Variants in ADGRL1 observed in about 807,000 individuals in gnomAD.
ADGRL1 encodes adhesion G protein-coupled receptor L1, also known as CIRL-1.
ADGRL1 carries 31 observed loss-of-function variants against 148.9 expected under a neutral mutation model. That is an observed-to-expected ratio of 0.21 (90% CI 0.16 to 0.28). The LOEUF (loss-of-function observed/expected upper bound fraction) is 0.28, where lower values mean the gene tolerates loss of function less well. Among genes scored for constraint, ADGRL1 ranks in the 10% least tolerant of loss-of-function variants. ADGRL1 has a pLI of 1.00. For synonymous variants in ADGRL1, 937 were observed against 900.3 expected (o/e 1.04, Z -0.73); for missense variants, 1,521 against 2,058.8 (o/e 0.74, Z 5.05).
chr19:14,203,921 C>G (rs1166237295), intron 1 of ADGRL1, among the ~76,000 whole-genome samples: 2 of 152,068 alleles, frequency 1.3e-5, no homozygotes, highest in Non-Finnish European at 2.9e-5. Context: ...ATGGGGTGGA[C>G]CGAGCGGGGC....
At position 14,156,052 on chromosome 19, in the gene ADGRL1, G is replaced by T. The variant is rs1968701318; in HGVS notation, c.3125+58C>A. 4 of 1,331,192 alleles carry T rather than the reference G, an allele frequency of 3.0e-6. No individual in the cohort carries two copies. In the South Asian group the frequency reaches 3.7e-5, roughly 12 times the overall value. 82.5% of individuals were successfully genotyped at this position (1,331,192 alleles called of 1,614,324 possible). The stretch of plus-strand genomic sequence containing the variant: ...TTTTAGGACACCCTGGAAGAGGTGG[G>T]CCCAGCGTGGGGCGGGGGTGGGTGA... On this transcript the variant is annotated intron_variant, in intron 17 of 22. Coordinates refer to ENST00000361434, the MANE Select transcript of ADGRL1 (RefSeq NM_014921.5).
chr19:14,188,201 C>A (rs575749117), intron 1 of ADGRL1, among the ~76,000 whole-genome samples: 1 of 152,272 alleles, frequency 6.6e-6, no homozygotes, highest in East Asian at 1.9e-4. Flanking sequence ...CTTATACATG[C>A]CCTGTGTGAC....
chr19:14,156,061 G>T, intron 17 of ADGRL1, 49 bp downstream of exon 17: 1 of 1,431,898 alleles, frequency 7.0e-7, no homozygotes, highest in Non-Finnish European at 9.7e-7. Context: ...GGCCCAGCGT[G>T]GGGCGGGGGT....
chr19:14,156,676 T>C lies in ADGRL1; in HGVS notation c.3015A>G (p.Pro1005=), dbSNP rs1318990403. Residue 1005 remains proline, a synonymous_variant, in exon 16 of 23, where the codon CCA becomes CCG. Transcript: ENST00000361434. ...DNYFIWSFIG[P]VSFVIVVNLV... ...AACTCACCACGATAACGAAGGAGAC[T>C]GGCCCGATGAAACTCCAGATGAAGT... The C allele has an allele frequency of 2.5e-6, 4 of 1,611,498 alleles. No homozygotes were observed. Among genetic ancestry groups the C allele is most frequent in the Non-Finnish European group, 3.4e-6 (4 of 1,179,094 alleles).
chr19:14,199,328 G>A (rs1972457601), intron 1 of ADGRL1, among the ~76,000 whole-genome samples: 3 of 152,010 alleles, frequency 2.0e-5, no homozygotes. Flanking sequence ...TGAGGGGCTG[G>A]GTACAAAAAA....
At position 14,155,954 on chromosome 19, in the gene ADGRL1, T is replaced by C. The variant is rs1422917851; in HGVS notation, c.3125+156A>G. On this transcript the variant is annotated intron_variant, in intron 17 of 22. Transcript: ENST00000361434. This position sits in a 1 kb window ranked among gnomAD's most constrained non-coding sequence, Gnocchi z 5.0. Reference sequence around the variant, plus strand: ...ATCTAAGACCCATTAAGTAGGTACATAGTGAACACAATAGAACACCCCTGT... The same window carrying C: ...ATCTAAGACCCATTAAGTAGGTACACAGTGAACACAATAGAACACCCCTGT... 2.6e-5 allele frequency among the ~76,000 whole-genome samples: 4 copies of C among 151,504 alleles called. No individual in the cohort carries two copies. The highest frequency in any genetic ancestry group is 3.9e-4 in the East Asian group (2 of 5,168).
At position 14,152,590 on chromosome 19, in the gene ADGRL1, A is replaced by G. The variant is rs912721456; in HGVS notation, c.3447T>C (p.Asn1149=). ...ACTCCGTCTGTTTCCTCACAGTGTC[A>G]TTCCACATCCTCCGAATTCGGCTCT... The part of the protein sequence containing the change: ...GTQSRIRRMW[N]DTVRKQTESS... The change falls in exon 20 of 23, where the codon AAT becomes AAC. Residue 1149 remains asparagine, a synonymous_variant. Coordinates refer to ENST00000361434, the MANE Select transcript of ADGRL1 (RefSeq NM_014921.5). This position sits in a 1 kb window ranked among gnomAD's most constrained non-coding sequence, Gnocchi z 6.1. 1.2e-5 allele frequency: 19 copies of G among 1,613,958 alleles called. No homozygotes were observed. Among genetic ancestry groups the G allele is most frequent in the Non-Finnish European group, 1.6e-5 (19 of 1,179,968 alleles).
In ADGRL1 at chr19:14,157,281, G is replaced by A; in HGVS notation, c.2715C>T (p.Phe905=). 1.2e-6 allele frequency: 2 copies of A among 1,614,158 alleles called. No homozygotes were observed. The highest frequency in any genetic ancestry group is 2.2e-5 in the South Asian group (2 of 91,086). ...ACTGAGTCTTGTCGATCCCGACCAG[G>A]AAGAGCAGCTCAGCCAGGAAGAGGT... ...CINLFLAELL[F]LVGIDKTQYE... is the part of the protein sequence containing the mutation. The change falls in exon 14 of 23, where the codon TTC becomes TTT. Residue 905 remains phenylalanine, a synonymous_variant. Transcript: ENST00000361434. This position sits in a 1 kb window ranked among gnomAD's most constrained non-coding sequence, Gnocchi z 7.5.
At chr19:14,185,261 G>C (rs1040252748) in intron 1 of ADGRL1, among the ~76,000 whole-genome samples, 3 of 152,098 alleles carry the variant, frequency 2.0e-5, no homozygotes, top group Non-Finnish European at 4.4e-5. Context: ...CATCAGCCTT[G>C]CCAGGAACTT....
At position 14,150,655 on chromosome 19, in the gene ADGRL1, TG is replaced by T; in HGVS notation, c.*217del. 1.7e-6 allele frequency: 1 copy of T among 582,658 alleles called. No homozygotes were observed. The highest frequency in any genetic ancestry group is 2.1e-5 in the South Asian group (1 of 46,572). 36.1% of individuals were successfully genotyped at this position (582,658 alleles called of 1,614,324 possible). A position where few individuals can be genotyped will look rare whatever the true frequency, so the allele number is the denominator to read the frequency against. ...TCACTACACTTCCCCCAAATAGAGC[TG>T]GTGCGTGTGGCTGGTGGGAAACCCT... On this transcript the variant is annotated 3_prime_UTR_variant, in exon 23 of 23. Coordinates refer to ENST00000361434, the MANE Select transcript of ADGRL1 (RefSeq NM_014921.5).
rs947674923 is a variant in ADGRL1 at position 14,159,879 on chromosome 19, C to T, written c.1801-106G>A. 8 of 1,139,478 alleles carry T rather than the reference C, an allele frequency of 7.0e-6. No individual in the cohort carries two copies. Among genetic ancestry groups the T allele is most frequent in the Non-Finnish European group, 1.1e-5 (8 of 755,288 alleles). 70.6% of individuals were successfully genotyped at this position (1,139,478 alleles called of 1,614,324 possible). On this transcript the variant is annotated intron_variant, in intron 8 of 22. Coordinates refer to ENST00000361434, the MANE Select transcript of ADGRL1 (RefSeq NM_014921.5). This position sits in a 1 kb window ranked among gnomAD's most constrained non-coding sequence, Gnocchi z 6.0. ...TCTCTCGTCTGCGGTTACCACTGAC[C>T]CAGGGCTGGGCTATCAGCAAGACAT...
In ADGRL1 at chr19:14,161,413, G is replaced by A. The variant is rs771217505; in HGVS notation, c.1409C>T (p.Ser470Phe). The A allele has an allele frequency of 2.6e-6, 4 of 1,549,306 alleles. No individual in the cohort carries two copies. In the Admixed American group the frequency reaches 8.3e-5, roughly 32 times the overall value. The change falls in exon 6 of 23, where the codon TCC becomes TTC. Residue 470 changes from serine (S) to phenylalanine (F), a missense_variant. Physicochemically the swap from Ser to Phe is radical, Grantham distance 155. Around this residue, in one of 8 missense-constraint regions of ADGRL1, gnomAD observed 270 missense variants for 320.4 expected, o/e 0.84. Transcript: ENST00000361434. This position sits in a 1 kb window ranked among gnomAD's most constrained non-coding sequence, Gnocchi z 4.4. ...TCGGGGCTCGCAGAAGAGCTCAGGGGACACGTGTAGATTCGGGGCTGGGGG... is the reference window on the plus strand; with the variant it reads ...TCGGGGCTCGCAGAAGAGCTCAGGGAACACGTGTAGATTCGGGGCTGGGGG... ...RRPPAPNLHV[S>F]PELFCEPREV... is the part of the protein sequence containing the mutation.
In ADGRL1 at chr19:14,150,657, G is replaced by A; in HGVS notation, c.*216C>T. 1 of 584,812 alleles carries A rather than the reference G, an allele frequency of 1.7e-6. No homozygotes were observed. Among genetic ancestry groups the A allele is most frequent in the South Asian group, 2.1e-5 (1 of 46,660 alleles). 36.2% of individuals were successfully genotyped at this position (584,812 alleles called of 1,614,324 possible). A position where few individuals can be genotyped will look rare whatever the true frequency, so the allele number is the denominator to read the frequency against. On this transcript the variant is annotated 3_prime_UTR_variant, in exon 23 of 23. Coordinates refer to ENST00000361434, the MANE Select transcript of ADGRL1 (RefSeq NM_014921.5). Reference sequence around the variant, plus strand: ...ACTACACTTCCCCCAAATAGAGCTGGTGCGTGTGGCTGGTGGGAAACCCTG... The same window carrying A: ...ACTACACTTCCCCCAAATAGAGCTGATGCGTGTGGCTGGTGGGAAACCCTG...
chr19:14,159,833 A>G lies in ADGRL1; in HGVS notation c.1801-60T>C. Reference sequence around the variant, plus strand: ...TCTGGGTGCCGGTTCCCTCACCCTAATACTGTCACATCTGGATAGCTCTCT... The same window carrying G: ...TCTGGGTGCCGGTTCCCTCACCCTAGTACTGTCACATCTGGATAGCTCTCT... On this transcript the variant is annotated intron_variant, in intron 8 of 22. Transcript: ENST00000361434. This position sits in a 1 kb window ranked among gnomAD's most constrained non-coding sequence, Gnocchi z 6.0. 1 of 1,389,278 alleles carries G rather than the reference A, an allele frequency of 7.2e-7. No individual in the cohort carries two copies. Among genetic ancestry groups the G allele is most frequent in the Non-Finnish European group, 1.0e-6 (1 of 975,394 alleles). The allele number at this position is 1,389,278 out of a possible 1,614,324, so 86.1% of individuals were successfully genotyped here. A position where few individuals can be genotyped will look rare whatever the true frequency, so the allele number is the denominator to read the frequency against.
chr19:14,152,238 T>G lies in ADGRL1; in HGVS notation c.3649+71A>C, dbSNP rs776992338. ...GGCTCCAGTTCTGGGGCACAGAACA[T>G]CCCATGCAGAGGTCCCTTGGGACAC... On this transcript the variant is annotated intron_variant, in intron 21 of 22. Transcript: ENST00000361434. This position sits in a 1 kb window ranked among gnomAD's most constrained non-coding sequence, Gnocchi z 6.1. The G allele has an allele frequency of 1.2e-6, 2 of 1,613,778 alleles. No homozygotes were observed. The highest frequency in any genetic ancestry group is 2.2e-5 in the South Asian group (2 of 91,074).
At chr19:14,178,881 T>G (rs1970999751) in intron 2 of ADGRL1, among the ~76,000 whole-genome samples, 1 of 152,000 alleles carries the variant, frequency 6.6e-6, no homozygotes, top group South Asian at 2.1e-4. Context: ...CAGGCGGCCA[T>G]CTATCTATAA....
chr19:14,168,577 GACC>G lies in ADGRL1; in HGVS notation c.394+2102_394+2104del, dbSNP rs562449837. The stretch of plus-strand genomic sequence containing the variant: ...TGGTCTCTGTCGGTTGTAGCCCCTG[GACC>G]ACGCTCAGGGCCTCGGCTCCAGGAG... On this transcript the variant is annotated intron_variant, in intron 4 of 22. Transcript: ENST00000361434. Among the ~76,000 whole-genome samples the G allele has an allele frequency of 1.3e-3, 192 of 152,054 alleles. 1 individual carries two copies. The highest frequency in any genetic ancestry group is 4.6e-3 in the African/African-American group (191 of 41,438).
chr19:14,169,277 C>T (rs1415382883), intron 4 of ADGRL1: 1 of 152,264 alleles, frequency 6.6e-6, no homozygotes, highest in Non-Finnish European at 1.5e-5. Context: ...CATGTCATCT[C>T]ATGGACTCAC....
At chr19:14,175,135 G>A (rs1028563697) in intron 3 of ADGRL1, among the ~76,000 whole-genome samples, 2 of 152,134 alleles carry the variant, frequency 1.3e-5, no homozygotes, top group Admixed American at 1.3e-4. Context: ...GAGCCACCGC[G>A]TCCAGCCTGG....
Sources: allele counts gnomAD v4.1 joint callset (sites outside exome capture counted in the v4.1 genomes callset), GRCh38; gene constraint gnomAD v4.1.1; regional missense constraint gnomAD v4.1.1; non-coding constraint Gnocchi (gnomAD v3.1); transcripts MANE v1.5; gene names NCBI Gene and HGNC (gene_info 2026-07-23, HGNC 2026-07-21).